Variants in PPIP5K2 observed in about 807,000 individuals in gnomAD.
PPIP5K2 encodes the protein diphosphoinositol pentakisphosphate kinase 2.
Under a neutral mutation model 154.6 loss-of-function variants are expected in PPIP5K2, and 105 were observed. The observed-to-expected ratio is 0.68, with a 90% CI of 0.58 to 0.80. The LOEUF is 0.80. Among genes scored for constraint, PPIP5K2 ranks in the 30% least tolerant of loss-of-function variants. PPIP5K2 has a pLI of 0.00. For missense variants in PPIP5K2, 992 were observed against 1,504.6 expected, an observed-to-expected ratio of 0.66 and a Z score of 5.64; for synonymous variants, 480 against 490.3, an observed-to-expected ratio of 0.98 and a Z score of 0.28.
At position 103,210,803 on chromosome 5, in the gene PPIP5K2, T is replaced by G. The variant is rs1379984112; in HGVS notation, c.*9169T>G. 3 of 152,166 alleles carry G rather than the reference T, an allele frequency of 2.0e-5. No homozygotes were observed. The highest frequency in any genetic ancestry group is 7.2e-5 in the African/African-American group (3 of 41,448). The allele number at this position is 152,166 out of a possible 1,614,324, so 9.4% of individuals were successfully genotyped here. On this transcript the variant is annotated 3_prime_UTR_variant, in exon 31 of 31. Transcript: ENST00000358359. Reference sequence around the variant, plus strand: ...TTGAGAATTATCAGCATGAGACAATTTATTTGCATAATAGCTTTTTGTTAT... The same window carrying G: ...TTGAGAATTATCAGCATGAGACAATGTATTTGCATAATAGCTTTTTGTTAT...
In PPIP5K2 at chr5:103,129,713, T is replaced by C; in HGVS notation, c.114+10T>C. 12 of 1,591,932 alleles carry C rather than the reference T, an allele frequency of 7.5e-6. No homozygotes were observed. Among genetic ancestry groups the C allele is most frequent in the Non-Finnish European group, 1.0e-5 (12 of 1,173,000 alleles). On this transcript the variant is annotated intron_variant, in intron 2 of 30. Coordinates refer to ENST00000358359, the MANE Select transcript of PPIP5K2 (RefSeq NM_001276277.3). ...GGAGGAAGATGATTCTGTAAGTTGT[T>C]TGTTTTTCCTTTGGCGAGAGAAGAC...
intron 5 of PPIP5K2, among the ~76,000 whole-genome samples, chr5:103,139,382 T>C (rs1792153908): frequency 6.6e-6 from 1 of 152,166 alleles, no homozygotes; most frequent in Non-Finnish European, 1.5e-5. Flanking sequence ...AGAATGCACC[T>C]TCATAAGAAC....
At chr5:103,196,568 A>G (rs1158584370) in intron 30 of PPIP5K2, among the ~76,000 whole-genome samples, 1 of 152,156 alleles carries the variant, frequency 6.6e-6, no homozygotes, top group African/African-American at 2.4e-5. Flanking sequence ...TATGTCCATT[A>G]CAGATGAAAA....
At chr5:103,190,388 A>C (rs1328617370) in intron 28 of PPIP5K2, among the ~76,000 whole-genome samples, 1 of 151,964 alleles carries the variant, frequency 6.6e-6, no homozygotes, top group African/African-American at 2.4e-5. Flanking sequence ...ACACCTGGAA[A>C]AGTATCTAAA....
At chr5:103,150,090 A>C (rs1350804492) in intron 8 of PPIP5K2, among the ~76,000 whole-genome samples, 1 of 152,204 alleles carries the variant, frequency 6.6e-6, no homozygotes, top group African/African-American at 2.4e-5. Context: ...TGTATAGTAA[A>C]GATTTAAATA....
At chr5:103,154,586 A>G (rs1053359436) in intron 11 of PPIP5K2, 84 bp from the exon 12 acceptor site, 4 of 818,904 alleles carry the variant, frequency 4.9e-6, no homozygotes, top group Non-Finnish European at 7.5e-6. Flanking sequence ...CCCATAGCTT[A>G]TCATTTATTA....
At chr5:103,150,564 A>G (rs1331988729) in intron 8 of PPIP5K2, among the ~76,000 whole-genome samples, 1 of 152,168 alleles carries the variant, frequency 6.6e-6, no homozygotes, top group Non-Finnish European at 1.5e-5. Context: ...ACTTGAGGCC[A>G]GAACTCCAGA....
Position 103,133,364 on chromosome 5 carries a change from C to A in PPIP5K2, c.115-89C>A, listed in dbSNP as rs1250985510. On this transcript the variant is annotated intron_variant, in intron 2 of 30. Coordinates refer to ENST00000358359, the MANE Select transcript of PPIP5K2 (RefSeq NM_001276277.3). ...TCACTTTTATTTATTAATCACATGC[C>A]TTATCTACTTTTGGAAAACAAATGA... 3 of 1,033,346 alleles carry A rather than the reference C, an allele frequency of 2.9e-6. No homozygotes were observed. In the Admixed American group the frequency reaches 9.5e-5, roughly 33 times the overall value. The allele number at this position is 1,033,346 out of a possible 1,614,324, so 64.0% of individuals were successfully genotyped here. A position where few individuals can be genotyped will look rare whatever the true frequency, so the allele number is the denominator to read the frequency against.
intron 6 of PPIP5K2, 136 bp downstream of exon 6, chr5:103,146,817 T>G (rs1485843653): frequency 1.1e-5 from 8 of 696,760 alleles, no homozygotes; most frequent in Admixed American, 3.9e-5. Flanking sequence ...TTTATGAAAC[T>G]GATATACTTT....
rs2149703597 is a variant in PPIP5K2 at position 103,173,420 on chromosome 5, C to T, written c.2414+138C>T. On this transcript the variant is annotated intron_variant, in intron 20 of 30. Transcript: ENST00000358359. The stretch of plus-strand genomic sequence containing the variant: ...TGAAAATAGTATTACCTAGGTATTT[C>T]TATTAAGTTCCAACCAAAGTTATTT... 4 of 1,065,754 alleles carry T rather than the reference C, an allele frequency of 3.8e-6. No individual in the cohort carries two copies. In the East Asian group the frequency reaches 8.3e-5, roughly 22 times the overall value. 66.0% of individuals were successfully genotyped at this position (1,065,754 alleles called of 1,614,324 possible). A position where few individuals can be genotyped will look rare whatever the true frequency, so the allele number is the denominator to read the frequency against.
At chr5:103,180,214 T>C (rs782736975) in intron 24 of PPIP5K2, 26 bp downstream of exon 24, 35 of 1,503,488 alleles carry the variant, frequency 2.3e-5, no homozygotes, top group Admixed American at 1.1e-4. Context: ...AGAACACATT[T>C]TTCATACAGT....
rs1554225517 is a variant in PPIP5K2 at position 103,187,381 on chromosome 5, G to A, written c.3352+5G>A. The A allele has an allele frequency of 3.9e-6, 6 of 1,528,726 alleles. No individual in the cohort carries two copies. Among genetic ancestry groups the A allele is most frequent in the African/African-American group, 1.4e-5 (1 of 72,764 alleles). 94.7% of individuals were successfully genotyped at this position (1,528,726 alleles called of 1,614,324 possible). A position where few individuals can be genotyped will look rare whatever the true frequency, so the allele number is the denominator to read the frequency against. On this transcript the variant is annotated splice_donor_5th_base_variant and intron_variant, in intron 28 of 30. Coordinates refer to ENST00000358359, the MANE Select transcript of PPIP5K2 (RefSeq NM_001276277.3). Reference sequence around the variant, plus strand: ...TTGCTCGACACCCAACCAATGGTACGTTTTGCTTTTATTTTAAAAGATACT... The same window carrying A: ...TTGCTCGACACCCAACCAATGGTACATTTTGCTTTTATTTTAAAAGATACT...
intron 25 of PPIP5K2, among the ~76,000 whole-genome samples, chr5:103,184,030 C>G (rs1404107410): frequency 6.6e-6 from 1 of 151,952 alleles, no homozygotes; most frequent in Non-Finnish European, 1.5e-5. Context: ...CATATGTGCC[C>G]ATCAACAATA....
At chr5:103,126,745 G>GTTT (rs369761352) in intron 1 of PPIP5K2, among the ~76,000 whole-genome samples, 1,706 of 137,402 alleles carry the variant, frequency 0.012, 26 homozygotes, top group Middle Eastern at 0.023. Flanking sequence ...GCCTTTTCAC[G>GTTT]TTTTTTTTTT....
At chr5:103,140,549 TCAG>T (rs1792388891) in intron 5 of PPIP5K2, among the ~76,000 whole-genome samples, 1 of 152,216 alleles carries the variant, frequency 6.6e-6, no homozygotes, top group Non-Finnish European at 1.5e-5. Context: ...AATATTCTAT[TCAG>T]CAAAATTATC....
Position 103,206,080 on chromosome 5 carries a change from CAA to C in PPIP5K2, c.*4447_*4448del, listed in dbSNP as rs1554232187. On this transcript the variant is annotated 3_prime_UTR_variant, in exon 31 of 31. Coordinates refer to ENST00000358359, the MANE Select transcript of PPIP5K2 (RefSeq NM_001276277.3). ...TTAAAATTCTTTTGTCTTTCTGTAA[CAA>C]TACTTTCCACTGCAAGTAGGAAAAT... 6.6e-6 allele frequency: 1 copy of C among 152,128 alleles called. No homozygotes were observed. The highest frequency in any genetic ancestry group is 1.5e-5 in the Non-Finnish European group (1 of 68,034). The allele number at this position is 152,128 out of a possible 1,614,324, so 9.4% of individuals were successfully genotyped here.
At chr5:103,126,890 C>T (rs547070946) in intron 1 of PPIP5K2, among the ~76,000 whole-genome samples, 2 of 152,174 alleles carry the variant, frequency 1.3e-5, no homozygotes, top group South Asian at 4.2e-4. Context: ...CTCACAGATA[C>T]ACCCATGATC....
rs1327650251 is a variant in PPIP5K2 at position 103,206,659 on chromosome 5, T to A, written c.*5025T>A. On this transcript the variant is annotated 3_prime_UTR_variant, in exon 31 of 31. Transcript: ENST00000358359. Reference sequence around the variant, plus strand: ...TTGAGAGTCAGTTAAGGTAAGTAGCTGAAATGAAAATAACAATCACATCTT... The same window carrying A: ...TTGAGAGTCAGTTAAGGTAAGTAGCAGAAATGAAAATAACAATCACATCTT... 6.6e-6 allele frequency: 1 copy of A among 152,206 alleles called. No homozygotes were observed. Among genetic ancestry groups the A allele is most frequent in the African/African-American group, 2.4e-5 (1 of 41,462 alleles). The allele number at this position is 152,206 out of a possible 1,614,324, so 9.4% of individuals were successfully genotyped here. A position where few individuals can be genotyped will look rare whatever the true frequency, so the allele number is the denominator to read the frequency against.
At chr5:103,175,101 T>C (rs1554220611) in intron 21 of PPIP5K2, among the ~76,000 whole-genome samples, 8 of 152,132 alleles carry the variant, frequency 5.3e-5, no homozygotes. Flanking sequence ...TGCACGTCTG[T>C]GTAGAAAGTG....
Sources: allele counts gnomAD v4.1 joint callset (sites outside exome capture counted in the v4.1 genomes callset), GRCh38; gene constraint gnomAD v4.1.1; transcripts MANE v1.5; gene names NCBI Gene and HGNC (gene_info 2026-07-23, HGNC 2026-07-21).